PROSER1: variants seen among roughly 807,000 people sequenced by gnomAD.
PROSER1 encodes proline and serine-rich protein 1.
A neutral mutation model predicts 71.8 loss-of-function variants in PROSER1; 36 were observed. The ratio of observed to expected loss-of-function variants is 0.50; its 90% confidence interval spans 0.38 to 0.66. The LOEUF (loss-of-function observed/expected upper bound fraction) is 0.66. Among genes scored for constraint, PROSER1 ranks in the 30% least tolerant of loss-of-function variants. The pLI, the probability that PROSER1 is intolerant of heterozygous loss-of-function variation, is 0.00. For missense variants in PROSER1, 1,107 were observed against 1,135.0 expected (o/e 0.98, Z 0.35); for synonymous variants, 490 against 452.4 (o/e 1.08, Z -1.06).
chr13:39,013,187 G>GA lies in PROSER1; in HGVS notation c.2064dup (p.Pro689SerfsTer28). On this transcript the variant is annotated frameshift_variant, in exon 11 of 13. Coordinates refer to ENST00000352251, the MANE Select transcript of PROSER1 (RefSeq NM_025138.5). LOFTEE classifies it high-confidence loss of function. ...AGAGCAGTGAATACTGGTGCAATGG[G>GA]AGTGGAGGAACCATGTGGTGGAAGG... 6.2e-7 allele frequency: 1 copy of GA among 1,614,114 alleles called. No individual in the cohort carries two copies. The highest frequency in any genetic ancestry group is 8.5e-7 in the Non-Finnish European group (1 of 1,179,974).
intron 3 of PROSER1, among the ~76,000 whole-genome samples, chr13:39,030,017 A>G (rs1239286597): frequency 6.6e-6 from 1 of 152,228 alleles, no homozygotes; most frequent in Non-Finnish European, 1.5e-5. Flanking sequence ...CATTTATGTT[A>G]ATAGTGAAGG....
chr13:39,012,761 CTGGGGA>C lies in PROSER1; in HGVS notation c.2485_2490del (p.Ser829_Pro830del). On this transcript the variant is annotated inframe_deletion, in exon 11 of 13. Transcript: ENST00000352251. ...GAGGCGAATCCTGGGAGGACTGGAG[CTGGGGA>C]TGGGGCTGTGGCAGCCACAGGTAGT... 6.2e-7 allele frequency: 1 copy of C among 1,613,364 alleles called. No individual in the cohort carries two copies. Among genetic ancestry groups the C allele is most frequent in the African/African-American group, 1.3e-5 (1 of 75,014 alleles).
At chr13:39,034,931 G>C (rs988910665) in intron 1 of PROSER1, among the ~76,000 whole-genome samples, 1 of 152,172 alleles carries the variant, frequency 6.6e-6, no homozygotes, top group Non-Finnish European at 1.5e-5. Flanking sequence ...TGGTGGCTTT[G>C]ATGCAGCACT....
chr13:39,028,357 A>C, intron 4 of PROSER1, 37 bp from the exon 5 acceptor site: 1 of 1,264,272 alleles, frequency 7.9e-7, no homozygotes, highest in Non-Finnish European at 1.2e-6. Flanking sequence ...TTGTTTAAAA[A>C]TCTGAACATA....
intron 2 of PROSER1, among the ~76,000 whole-genome samples, chr13:39,033,745 A>G (rs1166962823): frequency 2.6e-5 from 4 of 152,350 alleles, no homozygotes; most frequent in Non-Finnish European, 5.9e-5. Flanking sequence ...ATATAAAAAC[A>G]TATTTCATTA....
Position 39,029,306 on chromosome 13 carries a change from G to T in PROSER1, c.250C>A (p.Leu84Ile). 6.8e-7 allele frequency: 1 copy of T among 1,474,350 alleles called. No homozygotes were observed. Among genetic ancestry groups the T allele is most frequent in the Non-Finnish European group, 9.1e-7 (1 of 1,095,118 alleles). 91.3% of individuals were successfully genotyped at this position (1,474,350 alleles called of 1,614,324 possible). A position where few individuals can be genotyped will look rare whatever the true frequency, so the allele number is the denominator to read the frequency against. ...GAGGCTAACAGTTCAAGAGCAACTA[G>T]TTTGTCTTTACTGAAAGTGAAACAG... Reference protein sequence around the residue: ...LNCFTFSKDKLVALELLASNI... With the variant: ...LNCFTFSKDKIVALELLASNI... Residue 84 changes from leucine (L) to isoleucine (I), a missense_variant, in exon 4 of 13, where the codon CTA (leucine) becomes ATA (isoleucine). Leu to Ile is a conservative substitution (Grantham distance 5). Coordinates refer to ENST00000352251, the MANE Select transcript of PROSER1 (RefSeq NM_025138.5).
At chr13:39,025,874 T>C (rs2138122543) in intron 6 of PROSER1, among the ~76,000 whole-genome samples, 1 of 152,304 alleles carries the variant, frequency 6.6e-6, no homozygotes, top group East Asian at 1.9e-4. Context: ...TTAGATGATA[T>C]AAAAACAAGT....
Position 39,013,231 on chromosome 13 carries a change from T to A in PROSER1, c.2021A>T (p.Asn674Ile). 6.2e-7 allele frequency: 1 copy of A among 1,613,590 alleles called. No individual in the cohort carries two copies. The highest frequency in any genetic ancestry group is 8.5e-7 in the Non-Finnish European group (1 of 1,179,780). Residue 674 changes from asparagine (N) to isoleucine (I), a missense_variant, in exon 11 of 13, where the codon AAT (asparagine) becomes ATT (isoleucine). Asn to Ile is a moderately radical substitution (Grantham distance 149). Transcript: ENST00000352251. ...SSLSTPLNGS[N>I]PLSSISLPPH... ...TGGAAGGGAAATAGAGGAAAGAGGA[T>A]TTGAACCATTTAAAGGAGTACTCAA...
chr13:39,032,486 A>C (rs1870893796), intron 2 of PROSER1, among the ~76,000 whole-genome samples: 1 of 152,244 alleles, frequency 6.6e-6, no homozygotes, highest in East Asian at 1.9e-4. Context: ...AAGTGATACA[A>C]GAAGACAGTT....
chr13:39,033,453 A>T (rs374064452), intron 2 of PROSER1, among the ~76,000 whole-genome samples: 3 of 152,238 alleles, frequency 2.0e-5, no homozygotes, highest in Non-Finnish European at 4.4e-5. Context: ...AACTCAATAT[A>T]TACATTTATT....
intron 9 of PROSER1, among the ~76,000 whole-genome samples, chr13:39,020,823 T>A (rs1175022505): frequency 1.3e-5 from 2 of 152,208 alleles, no homozygotes; most frequent in Non-Finnish European, 2.9e-5. Context: ...ATATCCCATG[T>A]TACCAAAAGA....
At chr13:39,012,470 T>G in intron 11 of PROSER1, 3 of 638,766 alleles carry the variant, frequency 4.7e-6, no homozygotes, top group Non-Finnish European at 8.1e-6. Context: ...TGCTGTCTTA[T>G]AAATAAAACT....
chr13:39,015,374 G>A (rs1869960337), intron 10 of PROSER1, among the ~76,000 whole-genome samples: 1 of 152,054 alleles, frequency 6.6e-6, no homozygotes, highest in South Asian at 2.1e-4. Flanking sequence ...CATGACTTAG[G>A]TAGCTAATGT....
Position 39,026,269 on chromosome 13 carries a change from A to G in PROSER1, c.480+8T>C, listed in dbSNP as rs780069026. 3.4e-5 allele frequency: 53 copies of G among 1,551,012 alleles called. No individual in the cohort carries two copies. The highest frequency in any genetic ancestry group is 4.4e-5 in the Non-Finnish European group (50 of 1,123,966). On this transcript the variant is annotated splice_region_variant and intron_variant, in intron 6 of 12. Transcript: ENST00000352251. ...AAGTTTCATATACAGCTACAGAAGT[A>G]TGCTTACTGGGAAAATTCCATTTAT...
Position 39,022,326 on chromosome 13 carries a change from C to A in PROSER1, c.730G>T (p.Glu244Ter). Residue 244 changes from glutamate (E) to a stop codon, truncating the protein, a stop_gained and splice_region_variant, in exon 9 of 13, where the codon GAG (glutamate) becomes TAG (stop). Transcript: ENST00000352251. LOFTEE classifies it high-confidence loss of function. ...PPYTPNPVGT[E>*]NEDLSNPSKP... ...TAAACACCCCCAAATAACATTTTAC[C>A]TGTTCCTACAGGATTAGGAGTATAT... 1 of 1,595,726 alleles carries A rather than the reference C, an allele frequency of 6.3e-7. No individual in the cohort carries two copies. Among genetic ancestry groups the A allele is most frequent in the Non-Finnish European group, 8.6e-7 (1 of 1,163,410 alleles).
At chr13:39,029,921 A>C (rs1188660086) in intron 3 of PROSER1, among the ~76,000 whole-genome samples, 1 of 152,206 alleles carries the variant, frequency 6.6e-6, no homozygotes, top group Non-Finnish European at 1.5e-5. Context: ...ATTGTGATGC[A>C]CCAAGATTGT....
At chr13:39,035,082 T>C (rs552588168) in intron 1 of PROSER1, among the ~76,000 whole-genome samples, 7 of 152,350 alleles carry the variant, frequency 4.6e-5, no homozygotes, top group Non-Finnish European at 1.0e-4. Flanking sequence ...ATAATTTTAA[T>C]ATTCATATTT....
chr13:39,013,630 A>C lies in PROSER1; in HGVS notation c.1622T>G (p.Leu541Arg), dbSNP rs1458581545. The C allele has an allele frequency of 1.2e-6, 2 of 1,614,042 alleles. No homozygotes were observed. The highest frequency in any genetic ancestry group is 1.7e-6 in the Non-Finnish European group (2 of 1,180,028). Residue 541 changes from leucine to arginine, a missense_variant, in exon 11 of 13, where the codon CTG (leucine) becomes CGG (arginine). Transcript: ENST00000352251. The stretch of plus-strand genomic sequence containing the variant: ...AGTTGAGTTAGCCACGGGAGACGGC[A>C]GGCCTGGGAACAGGGCCAACCCTGG... Reference protein sequence around the residue: ...STPGLALFPGLPSPVANSTST... With the variant: ...STPGLALFPGRPSPVANSTST...
At chr13:39,029,455 A>G in intron 3 of PROSER1, 80 bp from the exon 4 acceptor site, 2 of 693,214 alleles carry the variant, frequency 2.9e-6, no homozygotes, top group Non-Finnish European at 4.7e-6. Context: ...GTACAGTTAA[A>G]TGCTCTTAAT....
Sources: allele counts gnomAD v4.1 joint callset (sites outside exome capture counted in the v4.1 genomes callset), GRCh38; gene constraint gnomAD v4.1.1; transcripts MANE v1.5; gene names NCBI Gene and HGNC (gene_info 2026-07-23, HGNC 2026-07-21).